LRRTM1: variants seen among roughly 807,000 people sequenced by gnomAD.
LRRTM1 encodes leucine-rich repeat transmembrane neuronal protein 1.
Under a neutral mutation model 37.3 loss-of-function variants are expected in LRRTM1, and 8 were observed. That is an observed-to-expected ratio of 0.21 (90% confidence interval 0.13 to 0.39). The LOEUF is 0.39. LRRTM1 is among the 10% of genes least tolerant of loss of function. LRRTM1 has a pLI of 1.00. For missense variants in LRRTM1, 557 were observed against 691.0 expected, an observed-to-expected ratio of 0.81 and a Z score of 2.17; for synonymous variants, 326 against 316.8, an observed-to-expected ratio of 1.03 and a Z score of -0.31.
downstream of LRRTM1, among the ~76,000 whole-genome samples, chr2:80,301,725 T>G (rs1676328235): frequency 6.6e-6 from 1 of 152,176 alleles, no homozygotes; most frequent in African/African-American, 2.4e-5. Flanking sequence ...TTCTTTGCCC[T>G]TCTTTAAAAT....
intron 2 of LRRTM1, among the ~76,000 whole-genome samples, chr2:80,291,297 C>T (rs576808276): frequency 6.6e-6 from 1 of 152,300 alleles, no homozygotes; most frequent in East Asian, 1.9e-4. Context: ...TAACTTCATA[C>T]CCTGCCTAAC....
chr2:80,303,853 T>C lies in LRRTM1; in HGVS notation c.-34A>G, dbSNP rs1179822965. 6.7e-7 allele frequency: 1 copy of C among 1,485,208 alleles called. No homozygotes were observed. 92.0% of individuals were successfully genotyped at this position (1,485,208 alleles called of 1,614,324 possible). ...ATCTTTCCAGAGAGACTGGAGAATG[T>C]CCATTGGAAGCGCTCGGTCAGAAAT... On this transcript the variant is annotated 5_prime_UTR_variant, in exon 2 of 2. Coordinates refer to ENST00000295057, the MANE Select transcript of LRRTM1 (RefSeq NM_178839.5). The surrounding 1 kb of genome is among the most constrained non-coding windows in gnomAD (Gnocchi z 7.7).
rs185503812 is a variant in LRRTM1, at chr2:80,294,878, C to T, written c.*307-5683G>A. 9.2e-4 allele frequency among the ~76,000 whole-genome samples: 140 copies of T among 152,256 alleles called. 1 individual carries two copies. The highest frequency in any genetic ancestry group is 3.2e-3 in the African/African-American group (135 of 41,576). On this transcript the variant is annotated intron_variant and NMD_transcript_variant, in intron 2 of 2. Transcript: ENST00000417012. ...GAGGGAAAATAACTTTACAACATTA[C>T]ATTGAGAACAGACAAATAGCTAACC...
intron 2 of LRRTM1, among the ~76,000 whole-genome samples, chr2:80,292,375 C>T (rs934639868): frequency 1.3e-5 from 2 of 152,082 alleles, no homozygotes; most frequent in African/African-American, 4.8e-5. Flanking sequence ...ATGTGTCTCC[C>T]TTGACACATC....
At chr2:80,290,656 A>T (rs1360891906) in intron 2 of LRRTM1, among the ~76,000 whole-genome samples, 5 of 152,056 alleles carry the variant, frequency 3.3e-5, no homozygotes, top group African/African-American at 1.2e-4. Context: ...TATGTTGTAT[A>T]TCTTTTTATG....
rs1439942630 is a variant in LRRTM1 at position 80,303,646 on chromosome 2, G to A, written c.174C>T (p.Thr58=). The A allele has an allele frequency of 4.3e-6, 7 of 1,613,336 alleles. No homozygotes were observed. Among genetic ancestry groups the A allele is most frequent in the South Asian group, 1.1e-5 (1 of 91,022 alleles). The change falls in exon 2 of 2, where the codon ACC becomes ACT. Residue 58 remains threonine, a synonymous_variant. Coordinates refer to ENST00000295057, the MANE Select transcript of LRRTM1 (RefSeq NM_178839.5). The surrounding 1 kb of genome is among the most constrained non-coding windows in gnomAD (Gnocchi z 7.7). ...RLLYCEALNL[T]EAPHNLSGLL... ...GGCCGGACAGGTTGTGGGGCGCCTC[G>A]GTGAGGTTGAGCGCCTCGCAGTACA...
At chr2:80,290,888 C>T (rs1009884261) in intron 2 of LRRTM1, among the ~76,000 whole-genome samples, 1 of 152,038 alleles carries the variant, frequency 6.6e-6, no homozygotes, top group African/African-American at 2.4e-5. Flanking sequence ...TAAAACAAGC[C>T]AGCAATGACG....
chr2:80,301,146 C>T (rs747389812), downstream of LRRTM1, among the ~76,000 whole-genome samples: 9 of 152,158 alleles, frequency 5.9e-5, no homozygotes, highest in Non-Finnish European at 1.0e-4. Context: ...CAAGTCATTA[C>T]CCTGCAGGCA....
At position 80,303,510 on chromosome 2, in the gene LRRTM1, C is replaced by A. The variant is rs748970613; in HGVS notation, c.310G>T (p.Val104Leu). Residue 104 changes from valine (V) to leucine (L), a missense_variant, in exon 2 of 2, where the codon GTG (valine) becomes TTG (leucine). Around this residue, in one of 5 missense-constraint regions of LRRTM1, gnomAD observed 140 missense variants for 138.1 expected, o/e 1.01. Coordinates refer to ENST00000295057, the MANE Select transcript of LRRTM1 (RefSeq NM_178839.5). This position sits in a 1 kb window ranked among gnomAD's most constrained non-coding sequence, Gnocchi z 7.7. ...LYLDHNHICS[V>L]QGDAFQKLRR... ...AGTTTCTGAAAGGCGTCCCCCTGCA[C>A]GGAGCAGATGTGATTGTGATCCAGA... 1.5e-5 allele frequency: 25 copies of A among 1,614,102 alleles called. No homozygotes were observed. Among genetic ancestry groups the A allele is most frequent in the Non-Finnish European group, 1.8e-5 (21 of 1,180,060 alleles).
Position 80,303,075 on chromosome 2 carries a change from C to A in LRRTM1, c.745G>T (p.Val249Phe), listed in dbSNP as rs1676518678. 3.7e-6 allele frequency: 6 copies of A among 1,613,976 alleles called. No individual in the cohort carries two copies. The highest frequency in any genetic ancestry group is 5.1e-6 in the Non-Finnish European group (6 of 1,180,018). The change falls in exon 2 of 2, where the codon GTC (valine) becomes TTC (phenylalanine). Residue 249 changes from valine to phenylalanine, a missense_variant. By Grantham distance (50) the Val-to-Phe change is conservative. Transcript: ENST00000295057. The surrounding 1 kb of genome is among the most constrained non-coding windows in gnomAD (Gnocchi z 7.7). ...TTCCAAACCCAGTCCAGCGAGCTGA[C>A]CACAATGGCCACCTTGTTCCTCCGC... is the stretch of plus-strand genomic sequence containing the variant. ...CLRRNKVAIVVSSLDWVWNLE... is the reference protein window; with the variant it reads ...CLRRNKVAIVFSSLDWVWNLE...
rs148612293 is a variant in LRRTM1, at chr2:80,293,057, A to C, written c.*307-3862T>G. Among the ~76,000 whole-genome samples the C allele has an allele frequency of 3.2e-3, 494 of 152,352 alleles. 3 individuals are homozygous for C. Among genetic ancestry groups the C allele is most frequent in the African/African-American group, 0.011 (473 of 41,576 alleles). On this transcript the variant is annotated intron_variant and NMD_transcript_variant, in intron 2 of 2. Transcript: ENST00000417012. ...AAATAAAAATTTAATAAAATAAAAG[A>C]AACACAGTCTCAGTTTCAGGGAAAT... is the stretch of plus-strand genomic sequence containing the variant.
At chr2:80,299,000 A>G (rs986084773), downstream of LRRTM1, 1 of 152,186 alleles carries the variant, frequency 6.6e-6, no homozygotes, top group African/African-American at 2.4e-5. Context: ...TCATGTGAAA[A>G]GACTTTTTTT....
chr2:80,298,742 A>T (rs1264694414), downstream of LRRTM1: 2 of 152,206 alleles, frequency 1.3e-5, no homozygotes, highest in Non-Finnish European at 2.9e-5. Context: ...AATATTTTTA[A>T]ATGGTTGAGA....
chr2:80,291,214 C>T (rs921608342), intron 2 of LRRTM1, among the ~76,000 whole-genome samples: 6 of 152,320 alleles, frequency 3.9e-5, no homozygotes, highest in Non-Finnish European at 8.8e-5. Context: ...GGAAGTTCAT[C>T]GCTTTGCCTG....
chr2:80,290,172 T>C (rs145295376), intron 2 of LRRTM1, among the ~76,000 whole-genome samples: 1 of 152,194 alleles, frequency 6.6e-6, no homozygotes, highest in Non-Finnish European at 1.5e-5. Context: ...AGAAAAGTGC[T>C]GATTTATCTA....
chr2:80,289,862 G>C (rs1033376120), intron 2 of LRRTM1, among the ~76,000 whole-genome samples: 11 of 152,276 alleles, frequency 7.2e-5, no homozygotes, highest in South Asian at 4.1e-4. Flanking sequence ...CCTGCTCCCT[G>C]CTACGGATGA....
At position 80,302,761 on chromosome 2, in the gene LRRTM1, G is replaced by A. The variant is rs763539303; in HGVS notation, c.1059C>T (p.Val353=). The change falls in exon 2 of 2, where the codon GTC becomes GTT. Residue 353 remains valine (V), a synonymous_variant. Transcript: ENST00000295057. The surrounding 1 kb of genome is among the most constrained non-coding windows in gnomAD (Gnocchi z 6.4). ...GGTGGAAGGCGTACACGGCGTCCAG[G>A]ACGTCCTCGCCCTGTGCGTACTCCG... ...ASPEYAQGED[V]LDAVYAFHLC... is the part of the protein sequence containing the mutation. 7 of 1,613,108 alleles carry A rather than the reference G, an allele frequency of 4.3e-6. No individual in the cohort carries two copies. Among genetic ancestry groups the A allele is most frequent in the African/African-American group, 2.7e-5 (2 of 74,936 alleles).
chr2:80,303,267 G>T lies in LRRTM1; in HGVS notation c.553C>A (p.Arg185Ser). The change falls in exon 2 of 2, where the codon CGC becomes AGC. Residue 185 changes from arginine to serine, a missense_variant. By Grantham distance (110) the Arg-to-Ser change is moderately radical. This residue lies in a region of LRRTM1 where 200 missense variants were observed against 249.9 expected (regional missense o/e 0.80). Coordinates refer to ENST00000295057, the MANE Select transcript of LRRTM1 (RefSeq NM_178839.5). This position sits in a 1 kb window ranked among gnomAD's most constrained non-coding sequence, Gnocchi z 7.7. ...CCGATGTCGAGAAACTTGAGGCTGC[G>T]GCAGTCCTGGAAGATGCGCACGGGC... ...FVPVRIFQDC[R>S]SLKFLDIGYN... The T allele has an allele frequency of 6.2e-7, 1 of 1,613,532 alleles. No individual in the cohort carries two copies. Among genetic ancestry groups the T allele is most frequent in the Non-Finnish European group, 8.5e-7 (1 of 1,180,016 alleles).
chr2:80,300,281 GGTGTGTGTGTGTGTGTGTGT>G (rs70940079), downstream of LRRTM1, among the ~76,000 whole-genome samples: 22 of 93,162 alleles, frequency 2.4e-4, no homozygotes, highest in East Asian at 2.1e-3. Flanking sequence ...GGGGTGTTGG[GGTGTGTGTGTGTGTGTGTGT>G]GTGTGTGTGT....
Sources: gnomAD v4.1 joint callset for allele counts (sites outside exome capture counted in the v4.1 genomes callset) on GRCh38, gnomAD v4.1.1 for gene constraint, gnomAD v4.1.1 regional missense constraint, Gnocchi (gnomAD v3.1) non-coding constraint, MANE v1.5 for transcripts, NCBI Gene and HGNC (gene_info 2026-07-23, HGNC 2026-07-21) for gene names.